The following NLGN4Y variants were observed in gnomAD, a reference collection of about 807,000 sequenced individuals.
NLGN4Y encodes the protein neuroligin 4 Y-linked.
Under a neutral mutation model 8.4 loss-of-function variants are expected in NLGN4Y, and 4 were observed. The ratio of observed to expected loss-of-function variants is 0.48; its 90% CI spans 0.23 to 1.09. The LOEUF is 1.09. NLGN4Y is among the 50% of genes least tolerant of loss of function. NLGN4Y has a pLI of 0.19. For missense variants in NLGN4Y, 90 were observed against 192.3 expected (o/e 0.47, Z 3.15); for synonymous variants, 35 against 75.6 (o/e 0.46, Z 2.78).
At chrY:14,633,886 C>A (rs2080557171) in intron 2 of NLGN4Y, among the ~76,000 whole-genome samples, 2 of 33,437 alleles carry the variant, frequency 6.0e-5, no homozygotes, top group Admixed American at 5.5e-4. Flanking sequence ...CCCTTGTTGA[C>A]AATAGGTCCT....
chrY:14,699,026 C>G, intron 2 of NLGN4Y, among the ~76,000 whole-genome samples: 1 of 33,149 alleles, frequency 3.0e-5, no homozygotes. Context: ...AAATCTTTCT[C>G]TATCCCTTTC....
At chrY:14,793,480 C>T in intron 4 of NLGN4Y, among the ~76,000 whole-genome samples, 1 of 33,597 alleles carries the variant, frequency 3.0e-5, no homozygotes, top group Non-Finnish European at 7.3e-5. Context: ...TTTTAAAAAT[C>T]ATTTTAATAA....
intron 1 of NLGN4Y, among the ~76,000 whole-genome samples, chrY:14,562,859 G>A: frequency 3.0e-5 from 1 of 33,390 alleles, no homozygotes; most frequent in African/African-American, 1.2e-4. Context: ...TCTGTTATCG[G>A]TGTATAGGAA....
intron 4 of NLGN4Y, among the ~76,000 whole-genome samples, chrY:14,762,861 A>C (rs992602217): frequency 5.3e-4 from 18 of 33,968 alleles, no homozygotes; most frequent in African/African-American, 2.1e-3. Flanking sequence ...CCACTTGAAA[A>C]AAATGAGTTA....
chrY:14,795,853 T>C, intron 4 of NLGN4Y, among the ~76,000 whole-genome samples: 12 of 32,952 alleles, frequency 3.6e-4, no homozygotes, highest in Admixed American at 3.4e-3. Context: ...TGTAGTAATG[T>C]AAAAGAGCAA....
chrY:14,839,907 G>T (rs2043209080), intron 6 of NLGN4Y, among the ~76,000 whole-genome samples: 1 of 32,778 alleles, frequency 3.1e-5, no homozygotes, highest in Non-Finnish European at 7.5e-5. Context: ...TTTGCTGTGG[G>T]GGTCTCTCCA....
intron 1 of NLGN4Y, among the ~76,000 whole-genome samples, chrY:14,618,235 C>T (rs2080497749): frequency 3.1e-5 from 1 of 32,270 alleles, no homozygotes. Flanking sequence ...GGGAATCTCC[C>T]GGTCTACAGG....
intron 4 of NLGN4Y, among the ~76,000 whole-genome samples, chrY:14,781,763 G>A: frequency 3.0e-5 from 1 of 32,923 alleles, no homozygotes; most frequent in African/African-American, 1.2e-4. Context: ...GGGCCCACAT[G>A]GTTTTCATGT....
chrY:14,703,046 T>C, intron 2 of NLGN4Y, among the ~76,000 whole-genome samples: 1 of 33,591 alleles, frequency 3.0e-5, no homozygotes, highest in Non-Finnish European at 7.4e-5. Context: ...AAGTTACTTG[T>C]AGATTCGGAT....
At chrY:14,821,622 G>A in intron 4 of NLGN4Y, among the ~76,000 whole-genome samples, 4 of 33,402 alleles carry the variant, frequency 1.2e-4, no homozygotes, top group Non-Finnish European at 3.0e-4. Flanking sequence ...AGCGCTGATT[G>A]GTGCATTTTA....
At chrY:14,525,476 G>C (rs2080090090) in intron 1 of NLGN4Y, among the ~76,000 whole-genome samples, 1 of 31,991 alleles carries the variant, frequency 3.1e-5, no homozygotes, top group Non-Finnish European at 7.6e-5. Context: ...ATTCAGCCCA[G>C]GGCTTGGGCG....
intron 1 of NLGN4Y, among the ~76,000 whole-genome samples, chrY:14,609,911 G>C: frequency 3.0e-5 from 1 of 33,184 alleles, no homozygotes; most frequent in South Asian, 6.7e-4. Flanking sequence ...GGTCTATTCA[G>C]GGATTCAGCT....
At chrY:14,718,874 T>C in intron 2 of NLGN4Y, among the ~76,000 whole-genome samples, 3 of 32,990 alleles carry the variant, frequency 9.1e-5, no homozygotes, top group Non-Finnish European at 1.5e-4. Flanking sequence ...ATCTTAGTGA[T>C]TTAGGGACAT....
intron 1 of NLGN4Y, among the ~76,000 whole-genome samples, chrY:14,598,393 C>T: frequency 3.0e-5 from 1 of 33,767 alleles, no homozygotes; most frequent in Non-Finnish European, 7.4e-5. Context: ...GCCGGTGGGC[C>T]AGCGCTGCTG....
At chrY:14,550,935 G>C (rs955902606) in intron 1 of NLGN4Y, among the ~76,000 whole-genome samples, 1 of 33,289 alleles carries the variant, frequency 3.0e-5, no homozygotes, top group Non-Finnish European at 7.4e-5. Flanking sequence ...GCTAGGTTGG[G>C]GGAGTTCTCC....
chrY:14,841,401 TCCTGTCCCAGCAGA>T lies in NLGN4Y; in HGVS notation c.*142_*155del, dbSNP rs776022970. 0.011 allele frequency: 2,284 copies of T among 217,494 alleles called. No homozygotes were observed. The highest frequency in any genetic ancestry group is 0.017 in the Non-Finnish European group (2,138 of 128,956). 54.3% of individuals were successfully genotyped at this position (217,494 alleles called of 400,897 possible). ...AGATAAAAATGCAAAAGGGCAGTCA[TCCTGTCCCAGCAGA>T]CCCTTCTCATTGGCATTTTCCAGTA... On this transcript the variant is annotated 3_prime_UTR_variant, in exon 7 of 7. Coordinates refer to ENST00000684976, the MANE Select transcript of NLGN4Y (RefSeq NM_001365588.1).
chrY:14,766,180 A>G, intron 4 of NLGN4Y, among the ~76,000 whole-genome samples: 1 of 33,498 alleles, frequency 3.0e-5, no homozygotes, highest in African/African-American at 1.2e-4. Context: ...GTGGAATGAC[A>G]ATAGATTTCT....
chrY:14,704,340 A>T, intron 2 of NLGN4Y, among the ~76,000 whole-genome samples: 2 of 33,304 alleles, frequency 6.0e-5, no homozygotes, highest in African/African-American at 2.4e-4. Flanking sequence ...TCCCATCAAT[A>T]CCTGATTTAT....
intron 2 of NLGN4Y, among the ~76,000 whole-genome samples, chrY:14,628,176 T>C: frequency 2.9e-5 from 1 of 34,042 alleles, no homozygotes; most frequent in African/African-American, 1.1e-4. Context: ...GCAAATGCCA[T>C]TGTGATTTCT....
Sources: allele counts gnomAD v4.1 joint callset (sites outside exome capture counted in the v4.1 genomes callset), GRCh38; gene constraint gnomAD v4.1.1; transcripts MANE v1.5; gene names NCBI Gene and HGNC (gene_info 2026-07-23, HGNC 2026-07-21).